NAT10: variants seen among roughly 807,000 people sequenced by gnomAD.
NAT10 encodes the protein N-acetyltransferase 10, also known as RNA cytidine acetyltransferase.
In NAT10, 109 loss-of-function variants were observed where a neutral mutation model predicts 132.2. The ratio of observed to expected loss-of-function variants is 0.82; its 90% CI spans 0.71 to 0.97. NAT10 has a LOEUF of 0.97. NAT10 is among the 50% of genes least tolerant of loss of function. The pLI is 0.00. For missense variants in NAT10, 1,184 were observed against 1,263.4 expected (o/e 0.94, Z 0.95); for synonymous variants, 479 against 478.0 (o/e 1.00, Z -0.03).
At chr11:34,109,097 G>C (rs1421786562) in intron 3 of NAT10, among the ~76,000 whole-genome samples, 1 of 152,026 alleles carries the variant, frequency 6.6e-6, no homozygotes, top group Non-Finnish European at 1.5e-5. Context: ...CCATCTCATT[G>C]CAAGTTCCTT....
intron 12 of NAT10, among the ~76,000 whole-genome samples, chr11:34,127,949 TATC>T (rs1387827334): frequency 1.3e-5 from 2 of 152,242 alleles, no homozygotes; most frequent in Admixed American, 6.5e-5. Flanking sequence ...GTACTATAAT[TATC>T]ATAAGAAAGC....
At position 34,134,300 on chromosome 11, in the gene NAT10, T is replaced by C. The variant is rs201354167; in HGVS notation, c.1735-19T>C. The C allele has an allele frequency of 2.4e-3, 3,817 of 1,609,802 alleles. 7 individuals carry two copies. Among genetic ancestry groups the C allele is most frequent in the Non-Finnish European group, 3.1e-3 (3,648 of 1,176,026 alleles). ...TCAGAGTTGGCCTTTCTGCCTGCAC[T>C]GTCCTGCTTCCCCCACAGGTGTGCC... On this transcript the variant is annotated intron_variant, in intron 16 of 28. Transcript: ENST00000257829.
At chr11:34,141,869 T>A in intron 26 of NAT10, 52 bp downstream of exon 26, 2 of 1,477,276 alleles carry the variant, frequency 1.4e-6, no homozygotes, top group Non-Finnish European at 1.9e-6. Flanking sequence ...TCAGTTGCCT[T>A]AGGCTGTGAA....
rs142372982 is a variant in NAT10 at position 34,117,914 on chromosome 11, A to G, written c.558-266A>G. ...AGGAGAGGGCCACGTGGTGTAGGGAATAGTGGCAGTCATGCACAACAGGAG... is the reference window on the plus strand; with the variant it reads ...AGGAGAGGGCCACGTGGTGTAGGGAGTAGTGGCAGTCATGCACAACAGGAG... On this transcript the variant is annotated intron_variant, in intron 6 of 28. Coordinates refer to ENST00000257829, the MANE Select transcript of NAT10 (RefSeq NM_024662.3). Among the ~76,000 whole-genome samples, 1,055 of 152,244 alleles carry G rather than the reference A, an allele frequency of 6.9e-3. 8 individuals are homozygous for G. Among genetic ancestry groups the G allele is most frequent in the Non-Finnish European group, 0.011 (740 of 67,998 alleles).
chr11:34,108,654 T>C (rs1320018251), intron 2 of NAT10, 88 bp from the exon 3 acceptor site: 1 of 1,268,990 alleles, frequency 7.9e-7, no homozygotes, highest in African/African-American at 1.5e-5. Flanking sequence ...CTCAGTTTAG[T>C]TTCCACATCC....
chr11:34,121,104 CACTTACT>C (rs1851884701), intron 8 of NAT10, among the ~76,000 whole-genome samples: 1 of 152,126 alleles, frequency 6.6e-6, no homozygotes, highest in South Asian at 2.1e-4. Context: ...AGGGCTTTCA[CACTTACT>C]CTATAACAGA....
Position 34,108,421 on chromosome 11 carries a change from T to G in NAT10, c.108+88T>G, listed in dbSNP as rs73501061. 709 of 1,079,680 alleles carry G rather than the reference T, an allele frequency of 6.6e-4. 3 individuals are homozygous for G. In the African/African-American group the frequency reaches 9.1e-3, roughly 14 times the overall value. The allele number at this position is 1,079,680 out of a possible 1,614,324, so 66.9% of individuals were successfully genotyped here. On this transcript the variant is annotated intron_variant, in intron 2 of 28. Transcript: ENST00000257829. ...AGCACTCTGCTGTTTCAGGACATAA[T>G]GGCATTAAGATCTCTTTGGCTGGTA...
At chr11:34,129,124 C>T (rs554063421) in intron 12 of NAT10, among the ~76,000 whole-genome samples, 1 of 152,130 alleles carries the variant, frequency 6.6e-6, no homozygotes, top group South Asian at 2.1e-4. Flanking sequence ...CAGATTTTTG[C>T]GTGGACATGT....
intron 27 of NAT10, among the ~76,000 whole-genome samples, chr11:34,142,933 C>T (rs1257996217): frequency 6.6e-6 from 1 of 152,136 alleles, no homozygotes; most frequent in Non-Finnish European, 1.5e-5. Flanking sequence ...GTGGAGGTGG[C>T]CAGGAGTCCT....
rs77257320 is a variant in NAT10, at chr11:34,137,772, A to C, written c.2211+746A>C. 2.0e-3 allele frequency among the ~76,000 whole-genome samples: 302 copies of C among 152,382 alleles called. 1 individual carries two copies. The highest frequency in any genetic ancestry group is 3.4e-3 in the Non-Finnish European group (231 of 68,036). ...AGGAATGAAGAGGAGGACACAGCAC[A>C]TACAAGACTGAGAAGGAACAGCCCT... is the stretch of plus-strand genomic sequence containing the variant. On this transcript the variant is annotated intron_variant, in intron 21 of 28. Coordinates refer to ENST00000257829, the MANE Select transcript of NAT10 (RefSeq NM_024662.3).
Position 34,134,333 on chromosome 11 carries a change from G to T in NAT10, c.1749G>T (p.Gly583=), listed in dbSNP as rs781431897. 5.0e-6 allele frequency: 8 copies of T among 1,614,070 alleles called. No homozygotes were observed. Among genetic ancestry groups the T allele is most frequent in the Non-Finnish European group, 5.1e-6 (6 of 1,180,020 alleles). ...VLAVIQVCLE[G]EISRQSILNS... Reference sequence around the variant, plus strand: ...TTCCCCCACAGGTGTGCCTTGAAGGGGAGATTTCTCGCCAGTCCATCTTGA... The same window carrying T: ...TTCCCCCACAGGTGTGCCTTGAAGGTGAGATTTCTCGCCAGTCCATCTTGA... The change falls in exon 17 of 29, where the codon GGG becomes GGT. Residue 583 remains glycine, a synonymous_variant. Coordinates refer to ENST00000257829, the MANE Select transcript of NAT10 (RefSeq NM_024662.3).
chr11:34,143,416 G>A (rs773093501), intron 27 of NAT10, 29 bp from the exon 28 acceptor site: 1 of 1,591,838 alleles, frequency 6.3e-7, no homozygotes, highest in Non-Finnish European at 8.6e-7. Context: ...CTTTCTAGCA[G>A]GCTTTGATAG....
rs371227666 is a variant in NAT10 at position 34,143,430 on chromosome 11, C to T, written c.2886-15C>T. The T allele has an allele frequency of 2.0e-4, 320 of 1,610,702 alleles. No individual in the cohort carries two copies. The highest frequency in any genetic ancestry group is 2.6e-4 in the Non-Finnish European group (310 of 1,178,094). On this transcript the variant is annotated splice_polypyrimidine_tract_variant and intron_variant, in intron 27 of 28. Transcript: ENST00000257829. ...TCTTTCTAGCAGGCTTTGATAGTTC[C>T]CTTCTTTTTTTTAGATACATAATCC...
At chr11:34,127,386 T>G in intron 11 of NAT10, 77 bp from the exon 12 acceptor site, 1 of 1,407,612 alleles carries the variant, frequency 7.1e-7, no homozygotes, top group Non-Finnish European at 9.8e-7. Context: ...GAGAACATCC[T>G]TTATGATGAG....
At chr11:34,131,330 T>C (rs952118896) in intron 13 of NAT10, 51 bp from the exon 14 acceptor site, 1 of 1,565,440 alleles carries the variant, frequency 6.4e-7, no homozygotes, top group African/African-American at 1.4e-5. Context: ...TTTTAGACAA[T>C]ACATATTTAA....
Position 34,131,710 on chromosome 11 carries a change from G to A in NAT10, c.1520+179G>A, listed in dbSNP as rs191166254. ...TCTTTCTTTTTTTTTTTTTTGAGATGGAGTCTCGCTCTGTCACCAGGCTAG... is the reference window on the plus strand; with the variant it reads ...TCTTTCTTTTTTTTTTTTTTGAGATAGAGTCTCGCTCTGTCACCAGGCTAG... On this transcript the variant is annotated intron_variant, in intron 14 of 28. Coordinates refer to ENST00000257829, the MANE Select transcript of NAT10 (RefSeq NM_024662.3). Among the ~76,000 whole-genome samples the A allele has an allele frequency of 9.1e-3, 1,139 of 125,640 alleles. 6 individuals are homozygous for A. Among genetic ancestry groups the A allele is most frequent in the Non-Finnish European group, 0.014 (847 of 62,008 alleles). 82.4% of individuals were successfully genotyped at this position (125,640 alleles called of 152,430 possible). A position where few individuals can be genotyped will look rare whatever the true frequency, so the allele number is the denominator to read the frequency against.
At chr11:34,128,338 A>G (rs1367150620) in intron 12 of NAT10, among the ~76,000 whole-genome samples, 3 of 150,292 alleles carry the variant, frequency 2.0e-5, no homozygotes, top group Non-Finnish European at 4.4e-5. Context: ...TGGGCGACAG[A>G]GCGAGACTGT....
At chr11:34,142,046 T>C in intron 26 of NAT10, 2 of 620,428 alleles carry the variant, frequency 3.2e-6, no homozygotes, top group East Asian at 5.5e-5. Context: ...AATGTAGGAT[T>C]CCAGCATCTG....
intron 1 of NAT10, among the ~76,000 whole-genome samples, chr11:34,106,766 A>G (rs544558733): frequency 1.7e-4 from 26 of 152,284 alleles, no homozygotes; most frequent in African/African-American, 5.8e-4. Context: ...TTACGTATAA[A>G]TTGGGGTCCT....
Sources: gnomAD v4.1 joint callset for allele counts (sites outside exome capture counted in the v4.1 genomes callset) on GRCh38, gnomAD v4.1.1 for gene constraint, MANE v1.5 for transcripts, NCBI Gene and HGNC (gene_info 2026-07-23, HGNC 2026-07-21) for gene names.